Variants in EGFL6 observed in about 807,000 individuals in gnomAD.
The protein encoded by EGFL6 is EGF like domain multiple 6, also known as epidermal growth factor-like protein 6.
Under a neutral mutation model 43.1 loss-of-function variants are expected in EGFL6, and 42 were observed. The ratio of observed to expected loss-of-function variants is 0.98; its 90% confidence interval spans 0.76 to 1.26. The LOEUF (loss-of-function observed/expected upper bound fraction) is 1.26, where lower values mean the gene tolerates loss of function less well. Among genes scored for constraint, EGFL6 ranks in the 50% most tolerant of loss-of-function variants. The pLI is 0.00. For missense variants in EGFL6, 429 were observed against 427.8 expected, an observed-to-expected ratio of 1.00 and a Z score of -0.02; for synonymous variants, 164 against 163.2, an observed-to-expected ratio of 1.01 and a Z score of -0.04.
At chrX:13,619,868 C>G (rs1277990390) in intron 9 of EGFL6, among the ~76,000 whole-genome samples, 1 of 111,308 alleles carries the variant, frequency 9.0e-6, no homozygotes, top group Non-Finnish European at 1.9e-5. Context: ...TCACTCAGCT[C>G]TGCTCCATGT....
At chrX:13,606,302 G>A in intron 5 of EGFL6, 77 bp from the exon 6 acceptor site, 1 of 1,064,718 alleles carries the variant, frequency 9.4e-7, no homozygotes, top group African/African-American at 1.8e-5. Flanking sequence ...AAGAAAAGTA[G>A]CTGTGAGTGT....
rs915925175 is a variant in EGFL6 at position 13,593,088 on chromosome X, T to C, written c.188-1748T>C. ...CGCCACCACGCCTGGCTAATTTTTG[T>C]ATTTTTAGTAGAGATGTGGTTTTAC... is the stretch of plus-strand genomic sequence containing the variant. On this transcript the variant is annotated intron_variant, in intron 2 of 11. Coordinates refer to ENST00000361306, the MANE Select transcript of EGFL6 (RefSeq NM_015507.4). 2.7e-5 allele frequency among the ~76,000 whole-genome samples: 3 copies of C among 109,742 alleles called. No homozygotes were observed. In the Admixed American group the frequency reaches 2.9e-4, roughly 11 times the overall value.
intron 2 of EGFL6, among the ~76,000 whole-genome samples, chrX:13,593,715 T>C (rs1335187209): frequency 8.9e-6 from 1 of 111,973 alleles, no homozygotes; most frequent in Non-Finnish European, 1.9e-5. Context: ...AATGAGTTGG[T>C]GGTAGAAACA....
intron 2 of EGFL6, among the ~76,000 whole-genome samples, chrX:13,593,340 T>C (rs978835067): frequency 3.6e-5 from 4 of 112,039 alleles, no homozygotes; most frequent in Non-Finnish European, 7.5e-5. Flanking sequence ...ATTAGTTTAA[T>C]GTCGTGTCTG....
intron 1 of EGFL6, among the ~76,000 whole-genome samples, chrX:13,581,956 G>C (rs1602638055): frequency 8.9e-6 from 1 of 111,882 alleles, no homozygotes; most frequent in East Asian, 2.8e-4. Flanking sequence ...GGAAGAGACA[G>C]AGAGAGAGTG....
chrX:13,580,788 C>T (rs2045501404), intron 1 of EGFL6, among the ~76,000 whole-genome samples: 1 of 112,034 alleles, frequency 8.9e-6, no homozygotes, highest in Non-Finnish European at 1.9e-5. Context: ...TGACTTTCCA[C>T]CAGATTAAGA....
chrX:13,620,096 A>G (rs1407672887), intron 9 of EGFL6, among the ~76,000 whole-genome samples: 1 of 111,919 alleles, frequency 8.9e-6, no homozygotes, highest in Non-Finnish European at 1.9e-5. Flanking sequence ...AAGAGTGTGG[A>G]TACAGAGAGG....
chrX:13,618,643 C>G (rs770472467), intron 8 of EGFL6, among the ~76,000 whole-genome samples: 8 of 111,622 alleles, frequency 7.2e-5, no homozygotes, highest in Non-Finnish European at 1.5e-4. Flanking sequence ...CTCAGTCCCC[C>G]CAGGAGGGTT....
chrX:13,610,268 G>A (rs2045682313), intron 7 of EGFL6, among the ~76,000 whole-genome samples: 1 of 112,131 alleles, frequency 8.9e-6, no homozygotes, highest in Non-Finnish European at 1.9e-5. Flanking sequence ...AATAAAAGTG[G>A]CTTTCTCAAG....
At chrX:13,584,270 C>T (rs1452045788) in intron 1 of EGFL6, among the ~76,000 whole-genome samples, 2 of 111,419 alleles carry the variant, frequency 1.8e-5, no homozygotes, top group Non-Finnish European at 3.8e-5. Context: ...TGATCCCACT[C>T]TCTTACTAGA....
intron 7 of EGFL6, among the ~76,000 whole-genome samples, chrX:13,613,515 T>A (rs2045703658): frequency 9.0e-6 from 1 of 111,257 alleles, no homozygotes; most frequent in African/African-American, 3.3e-5. Flanking sequence ...TGGAATCGTA[T>A]TACCTTAGCT....
At chrX:13,587,245 T>G (rs2045538494) in intron 1 of EGFL6, among the ~76,000 whole-genome samples, 1 of 112,606 alleles carries the variant, frequency 8.9e-6, no homozygotes, top group Non-Finnish European at 1.9e-5. Flanking sequence ...TATCTCAATT[T>G]TTAAAATACT....
intron 7 of EGFL6, among the ~76,000 whole-genome samples, chrX:13,610,405 C>T (rs2045683006): frequency 9.0e-6 from 1 of 111,468 alleles, no homozygotes; most frequent in East Asian, 2.8e-4. Flanking sequence ...GCTGGGGGCT[C>T]TGAGACGGAT....
intron 1 of EGFL6, among the ~76,000 whole-genome samples, chrX:13,580,367 T>A (rs1295371707): frequency 8.9e-6 from 1 of 111,759 alleles, no homozygotes; most frequent in Non-Finnish European, 1.9e-5. Flanking sequence ...TCTTGACCGA[T>A]TCATTGAGAT....
chrX:13,632,985 A>T lies in EGFL6; in HGVS notation c.1552A>T (p.Ile518Phe). Reference protein sequence around the residue: ...LYQGTDATKSIIFEAERGKGK... With the variant: ...LYQGTDATKSFIFEAERGKGK... ...TTTTTTATTCTCTCTCCATTATTAG[A>T]TCATTTTTGAAGCAGAACGTGGCAA... Residue 518 changes from isoleucine to phenylalanine, a missense_variant and splice_region_variant, in exon 12 of 12, where the codon ATC (isoleucine) becomes TTC (phenylalanine). Coordinates refer to ENST00000361306, the MANE Select transcript of EGFL6 (RefSeq NM_015507.4). 8.3e-7 allele frequency: 1 copy of T among 1,206,682 alleles called. No homozygotes were observed. Among genetic ancestry groups the T allele is most frequent in the Non-Finnish European group, 1.1e-6 (1 of 892,512 alleles).
intron 1 of EGFL6, among the ~76,000 whole-genome samples, chrX:13,577,331 TATATATATATAC>T (rs1461508760): frequency 0.02 from 306 of 15,684 alleles, no homozygotes; most frequent in South Asian, 0.076. Context: ...TATATATATA[TATATATATATAC>T]ATACACACAC....
chrX:13,594,314 A>T (rs1473614723), intron 2 of EGFL6, among the ~76,000 whole-genome samples: 1 of 111,917 alleles, frequency 8.9e-6, no homozygotes, highest in Non-Finnish European at 1.9e-5. Context: ...TAGAAAAACA[A>T]ATCCTACCTT....
At chrX:13,628,893 A>G (rs143525719) in intron 11 of EGFL6, among the ~76,000 whole-genome samples, 534 of 112,897 alleles carry the variant, frequency 4.7e-3, no homozygotes, top group African/African-American at 0.016. Flanking sequence ...AGGTACATTA[A>G]GTGGTGATAA....
chrX:13,631,826 C>A (rs981650966), intron 11 of EGFL6, among the ~76,000 whole-genome samples: 3 of 111,074 alleles, frequency 2.7e-5, no homozygotes, highest in Admixed American at 1.9e-4. Context: ...AAAACAAAAT[C>A]TTCATTCAGC....
Sources: allele counts gnomAD v4.1 joint callset (sites outside exome capture counted in the v4.1 genomes callset), GRCh38; gene constraint gnomAD v4.1.1; transcripts MANE v1.5; gene names NCBI Gene and HGNC (gene_info 2026-07-23, HGNC 2026-07-21).